The following FPGS variants were observed in gnomAD, a reference collection of about 807,000 sequenced individuals.
FPGS encodes folylpolyglutamate synthase, mitochondrial.
A neutral mutation model predicts 66.5 loss-of-function variants in FPGS; 53 were observed. The observed-to-expected ratio is 0.80, with a 90% CI of 0.64 to 1.00. FPGS has a LOEUF of 1.00. FPGS is among the 50% of genes least tolerant of loss of function. The probability of loss-of-function intolerance (pLI) is 0.00; values close to 1 mark genes in which losing one functional copy is unlikely to be tolerated. For missense variants in FPGS, 702 were observed against 807.7 expected (o/e 0.87, Z 1.59); for synonymous variants, 348 against 350.9 (o/e 0.99, Z 0.09).
rs139200953 is a variant in FPGS at position 127,807,935 on chromosome 9, G to C, written c.744+247G>C. Reference sequence around the variant, plus strand: ...AGCCTGACCAATATGGGGAAACTCTGTCTCTACTAAAAATACAAAAATTAG... The same window carrying C: ...AGCCTGACCAATATGGGGAAACTCTCTCTCTACTAAAAATACAAAAATTAG... On this transcript the variant is annotated intron_variant, in intron 8 of 14. Transcript: ENST00000373247. The surrounding 1 kb of genome is among the most constrained non-coding windows in gnomAD (Gnocchi z 5.8). The C allele has an allele frequency of 8.4e-3, 4,771 of 566,118 alleles. 30 individuals carry two copies. Among genetic ancestry groups the C allele is most frequent in the Non-Finnish European group, 0.011 (3,549 of 321,384 alleles). 35.1% of individuals were successfully genotyped at this position (566,118 alleles called of 1,614,324 possible).
chr9:127,803,096 G>A (rs1829668057), intron 1 of FPGS, 34 bp downstream of exon 1: 1 of 1,358,810 alleles, frequency 7.4e-7, no homozygotes, highest in South Asian at 1.7e-5. Flanking sequence ...GCGGGCCTGG[G>A]CGCGACGACA....
chr9:127,813,169 G>A (rs1315545138), intron 14 of FPGS, 26 bp from the exon 15 acceptor site: 8 of 1,537,584 alleles, frequency 5.2e-6, no homozygotes, highest in Admixed American at 2.0e-5. Flanking sequence ...CCCCTTCGCT[G>A]ATAGGCCTTT....
rs1405367400 is a variant in FPGS at position 127,803,079 on chromosome 9, C to A, written c.138+17C>A. 16 of 1,372,386 alleles carry A rather than the reference C, an allele frequency of 1.2e-5. No individual in the cohort carries two copies. The highest frequency in any genetic ancestry group is 1.5e-5 in the Non-Finnish European group (16 of 1,068,884). The allele number at this position is 1,372,386 out of a possible 1,614,324, so 85.0% of individuals were successfully genotyped here. A position where few individuals can be genotyped will look rare whatever the true frequency, so the allele number is the denominator to read the frequency against. On this transcript the variant is annotated intron_variant, in intron 1 of 14. Transcript: ENST00000373247. Reference sequence around the variant, plus strand: ...GAGTACCAGGTATCAGGCGGGCCAGCGGGCCAGCGGGCCTGGGCGCGACGA... The same window carrying A: ...GAGTACCAGGTATCAGGCGGGCCAGAGGGCCAGCGGGCCTGGGCGCGACGA...
Position 127,809,771 on chromosome 9 carries a change from G to A in FPGS, c.1148G>A (p.Ser383Asn), listed in dbSNP as rs757492805. Residue 383 changes from serine (S) to asparagine (N), a missense_variant, in exon 12 of 15, where the codon AGC becomes AAC. Around this residue, in one of 3 missense-constraint regions of FPGS, gnomAD observed 351 missense variants for 363.7 expected, o/e 0.97. Transcript: ENST00000373247. Reference sequence around the variant, plus strand: ...TACCTGGACGGTGCGCACACCGCCAGCAGCGCGCAGGCCTGCGTGCGCTGG... The same window carrying A: ...TACCTGGACGGTGCGCACACCGCCAACAGCGCGCAGGCCTGCGTGCGCTGG... The part of the protein sequence containing the change: ...TWYLDGAHTA[S>N]SAQACVRWFR... 6.4e-7 allele frequency: 1 copy of A among 1,572,776 alleles called. No individual in the cohort carries two copies. Among genetic ancestry groups the A allele is most frequent in the Non-Finnish European group, 8.5e-7 (1 of 1,169,744 alleles).
Position 127,807,691 on chromosome 9 carries a change from G to A in FPGS, c.744+3G>A. ...GGCAGAAAGGGGGCATCTTTAAGGTGACCAGGCAGACTGGGGGAAGGGAGA... is the reference window on the plus strand; with the variant it reads ...GGCAGAAAGGGGGCATCTTTAAGGTAACCAGGCAGACTGGGGGAAGGGAGA... On this transcript the variant is annotated splice_donor_region_variant and intron_variant, in intron 8 of 14. Coordinates refer to ENST00000373247, the MANE Select transcript of FPGS (RefSeq NM_004957.6). This position sits in a 1 kb window ranked among gnomAD's most constrained non-coding sequence, Gnocchi z 5.8. The A allele has an allele frequency of 6.4e-7, 1 of 1,561,664 alleles. No homozygotes were observed. The highest frequency in any genetic ancestry group is 8.7e-7 in the Non-Finnish European group (1 of 1,153,342).
At position 127,804,673 on chromosome 9, in the gene FPGS, G is replaced by A. The variant is rs1829739360; in HGVS notation, c.359G>A (p.Ser120Asn). Reference protein sequence around the residue: ...TCAFTECILRSYGLKTGFFSS... With the variant: ...TCAFTECILRNYGLKTGFFSS... Reference sequence around the variant, plus strand: ...GCCTTCACGGAATGTATCCTCCGAAGCTATGGCCTGAAGACGGGATTCTTT... The same window carrying A: ...GCCTTCACGGAATGTATCCTCCGAAACTATGGCCTGAAGACGGGATTCTTT... Residue 120 changes from serine to asparagine, a missense_variant, in exon 4 of 15, where the codon AGC becomes AAC. Ser to Asn is a conservative substitution (Grantham distance 46). Transcript: ENST00000373247. 1 of 1,614,118 alleles carries A rather than the reference G, an allele frequency of 6.2e-7. No homozygotes were observed. Among genetic ancestry groups the A allele is most frequent in the South Asian group, 1.1e-5 (1 of 91,080 alleles).
In FPGS at chr9:127,803,076, C is replaced by T. The variant is rs774062519; in HGVS notation, c.138+14C>T. The T allele has an allele frequency of 1.5e-6, 2 of 1,373,606 alleles. No individual in the cohort carries two copies. Among genetic ancestry groups the T allele is most frequent in the African/African-American group, 1.5e-5 (1 of 65,248 alleles). The allele number at this position is 1,373,606 out of a possible 1,614,324, so 85.1% of individuals were successfully genotyped here. A position where few individuals can be genotyped will look rare whatever the true frequency, so the allele number is the denominator to read the frequency against. ...ATGGAGTACCAGGTATCAGGCGGGC[C>T]AGCGGGCCAGCGGGCCTGGGCGCGA... is the stretch of plus-strand genomic sequence containing the variant. On this transcript the variant is annotated intron_variant, in intron 1 of 14. Coordinates refer to ENST00000373247, the MANE Select transcript of FPGS (RefSeq NM_004957.6).
chr9:127,803,239 C>A, intron 1 of FPGS, 177 bp downstream of exon 1: 2 of 1,246,192 alleles, frequency 1.6e-6, no homozygotes, highest in South Asian at 3.2e-5. Context: ...GGAAGTTGGG[C>A]CCGGGCCGCC....
chr9:127,808,478 G>A lies in FPGS; in HGVS notation c.823-80G>A. On this transcript the variant is annotated intron_variant, in intron 9 of 14. Transcript: ENST00000373247. ...CTCAGTTCTGGGAGCAGGGCTTGGT[G>A]GCTGGGGGAGGGGAGAGATGCAAGG... 2.5e-6 allele frequency: 4 copies of A among 1,579,868 alleles called. No individual in the cohort carries two copies. The South Asian group carries it at 4.5e-5, about 18-fold the overall frequency.
Position 127,807,468 on chromosome 9 carries a change from C to T in FPGS, c.627C>T (p.Cys209=), listed in dbSNP as rs777419032. Residue 209 remains cysteine (C), a synonymous_variant, in exon 7 of 15, where the codon TGC becomes TGT. Transcript: ENST00000373247. This position sits in a 1 kb window ranked among gnomAD's most constrained non-coding sequence, Gnocchi z 5.8. The part of the protein sequence containing the change: ...VEVGIGGAYD[C]TNIIRKPVVC... ...TGGGCATTGGCGGGGCTTATGACTG[C>T]ACCAACATCATCAGGTGAGCGCAGT... The T allele has an allele frequency of 6.2e-7, 1 of 1,614,128 alleles. No homozygotes were observed. The highest frequency in any genetic ancestry group is 2.2e-5 in the East Asian group (1 of 44,884).
At chr9:127,814,351 C>G, downstream of FPGS, 1 of 195,272 alleles carries the variant, frequency 5.1e-6, no homozygotes, top group Non-Finnish European at 9.3e-6. Context: ...TGGCTGGTTT[C>G]AAGAAGCCAT....
intron 2 of FPGS, 30 bp downstream of exon 2, chr9:127,804,443 C>T: frequency 6.2e-7 from 1 of 1,613,938 alleles, no homozygotes; most frequent in Middle Eastern, 1.7e-4. Context: ...TGACCACCTC[C>T]CACCCCCATT....
chr9:127,803,150 C>T (rs1223906888), intron 1 of FPGS, 88 bp downstream of exon 1: 3 of 1,231,530 alleles, frequency 2.4e-6, no homozygotes, highest in Non-Finnish European at 3.0e-6. Flanking sequence ...CTCCGCTAGC[C>T]GAGAGGGTAT....
chr9:127,810,208 G>A (rs1830017445), intron 13 of FPGS, 102 bp downstream of exon 13: 1 of 1,009,330 alleles, frequency 9.9e-7, no homozygotes, highest in Non-Finnish European at 1.5e-6. Flanking sequence ...GAGTTGTATT[G>A]AGGATTAGAT....
intron 4 of FPGS, chr9:127,806,520 A>G (rs1588553827): frequency 5.9e-6 from 1 of 169,142 alleles, no homozygotes; most frequent in East Asian, 1.5e-4. Context: ...ATAAATAAAT[A>G]AAAACTACAA....
intron 4 of FPGS, 135 bp from the exon 5 acceptor site, chr9:127,806,838 G>C (rs903541760): frequency 3.0e-5 from 20 of 676,660 alleles, no homozygotes; most frequent in Non-Finnish European, 4.8e-5. Context: ...TAGTCCGGGG[G>C]GATGGGGCAC....
Position 127,813,978 on chromosome 9 carries a change from T to C in FPGS, c.*374T>C, listed in dbSNP as rs1032160824. The C allele has an allele frequency of 9.5e-6, 10 of 1,057,668 alleles. No homozygotes were observed. Among genetic ancestry groups the C allele is most frequent in the Non-Finnish European group, 1.1e-5 (10 of 877,558 alleles). The allele number at this position is 1,057,668 out of a possible 1,614,324, so 65.5% of individuals were successfully genotyped here. A position where few individuals can be genotyped will look rare whatever the true frequency, so the allele number is the denominator to read the frequency against. On this transcript the variant is annotated 3_prime_UTR_variant, in exon 15 of 15. Coordinates refer to ENST00000373247, the MANE Select transcript of FPGS (RefSeq NM_004957.6). ...GGTAGATTTCCTCCTCCCAGTGCCT[T>C]CTGGGAAGGGAGAGGGCCTCTGCCT...
rs1435755262 is a variant in FPGS, at chr9:127,804,715, G to A, written c.386+15G>A. Reference sequence around the variant, plus strand: ...GGATTCTTTAGGTACTGGCTTGTGGGGGGATGTGGTGTCTGTGTCCCAATG... The same window carrying A: ...GGATTCTTTAGGTACTGGCTTGTGGAGGGATGTGGTGTCTGTGTCCCAATG... On this transcript the variant is annotated intron_variant, in intron 4 of 14. Transcript: ENST00000373247. 1.2e-6 allele frequency: 2 copies of A among 1,613,644 alleles called. No individual in the cohort carries two copies. Among genetic ancestry groups the A allele is most frequent in the African/African-American group, 1.3e-5 (1 of 74,872 alleles).
Position 127,807,554 on chromosome 9 carries a change from G to A in FPGS, c.642-32G>A, listed in dbSNP as rs372921462. 4.5e-4 allele frequency: 724 copies of A among 1,612,386 alleles called. 2 individuals are homozygous for A. The African/African-American group carries it at 8.8e-3, about 20-fold the overall frequency. ...CTCACCTGCCGCCTGGTGGCTCAGG[G>A]CAGGGCCTCATGGCCTTTTCCTCCC... On this transcript the variant is annotated intron_variant, in intron 7 of 14. Coordinates refer to ENST00000373247, the MANE Select transcript of FPGS (RefSeq NM_004957.6). The surrounding 1 kb of genome is among the most constrained non-coding windows in gnomAD (Gnocchi z 5.8).
Sources: gnomAD v4.1 joint callset for allele counts on GRCh38, gnomAD v4.1.1 for gene constraint, gnomAD v4.1.1 regional missense constraint, Gnocchi (gnomAD v3.1) non-coding constraint, MANE v1.5 for transcripts, NCBI Gene and HGNC (gene_info 2026-07-23, HGNC 2026-07-21) for gene names.